The following MYO3B variants were observed in gnomAD, a reference collection of about 807,000 sequenced individuals.
The protein encoded by MYO3B is myosin-IIIb.
MYO3B carries 156 observed loss-of-function variants against 174.6 expected under a neutral mutation model. The observed-to-expected ratio is 0.89, with a 90% confidence interval of 0.78 to 1.02. The LOEUF is 1.02. MYO3B is among the 50% of genes least tolerant of loss of function. The pLI is 0.00. For synonymous variants in MYO3B, 563 were observed against 569.1 expected, an observed-to-expected ratio of 0.99 and a Z score of 0.15; for missense variants, 1,632 against 1,639.4, an observed-to-expected ratio of 1.00 and a Z score of 0.08.
rs1186016465 is a variant in MYO3B, at chr2:170,543,983, A to AGCT, written c.3730_3731insTGC (p.Lys1243_Pro1244insLeu). Reference sequence around the variant, plus strand: ...TTGAGTCTCTGGGGAGCCCCTCAAAAGCCTGGTAAGAAGAACGTTTTGAAT... The same window carrying AGCT: ...TTGAGTCTCTGGGGAGCCCCTCAAAAGCTGCCTGGTAAGAAGAACGTTTTGAAT... On this transcript the variant is annotated inframe_insertion, in exon 32 of 35. Coordinates refer to ENST00000408978, the MANE Select transcript of MYO3B (RefSeq NM_138995.5). 9 of 1,611,580 alleles carry AGCT rather than the reference A, an allele frequency of 5.6e-6. No homozygotes were observed. Among genetic ancestry groups the AGCT allele is most frequent in the African/African-American group, 1.3e-5 (1 of 74,874 alleles).
chr2:170,252,300 A>G (rs2093261991), intron 7 of MYO3B, among the ~76,000 whole-genome samples: 1 of 152,248 alleles, frequency 6.6e-6, no homozygotes, highest in Non-Finnish European at 1.5e-5. Context: ...TGGTAATAAT[A>G]TGCTCTCCAA....
chr2:170,220,402 A>G (rs2092882753), intron 6 of MYO3B, among the ~76,000 whole-genome samples: 1 of 151,692 alleles, frequency 6.6e-6, no homozygotes, highest in South Asian at 2.1e-4. Flanking sequence ...AGGCGGAGGC[A>G]GGCGAATCAC....
chr2:170,400,388 A>G, intron 17 of MYO3B, 74 bp downstream of exon 17: 2 of 1,418,964 alleles, frequency 1.4e-6, no homozygotes, highest in Admixed American at 2.2e-5. Context: ...AATATAATGC[A>G]GCATTTGCTG....
rs894250564 is a variant in MYO3B at position 170,652,993 on chromosome 2, G to C, written c.3898G>C (p.Val1300Leu). The change falls in exon 35 of 35, where the codon GTA (valine) becomes CTA (leucine). Residue 1300 changes from valine to leucine, a missense_variant. Val to Leu is a conservative substitution (Grantham distance 32, BLOSUM62 1). Coordinates refer to ENST00000408978, the MANE Select transcript of MYO3B (RefSeq NM_138995.5). ...RKPRKLGQIK[V>L]LDGEDEYYKS... ...TTTTCTTTGTTGCAGCCAAATCAAA[G>C]TACTTGATGGGGAAGATGAATATTA... The C allele has an allele frequency of 1.2e-6, 2 of 1,613,830 alleles. No individual in the cohort carries two copies. Among genetic ancestry groups the C allele is most frequent in the African/African-American group, 2.7e-5 (2 of 74,898 alleles).
intron 25 of MYO3B, among the ~76,000 whole-genome samples, chr2:170,492,036 G>A (rs62170723): frequency 0.084 from 12,510 of 148,316 alleles, 596 homozygotes; most frequent in Middle Eastern, 0.12. Context: ...CTGGGTGACA[G>A]AGATGAGACT....
At chr2:170,348,102 G>A (rs1045131878) in intron 8 of MYO3B, 6 of 152,118 alleles carry the variant, frequency 3.9e-5, no homozygotes, top group African/African-American at 1.2e-4. Flanking sequence ...AGACCAGCCT[G>A]GGCAACATAG....
At chr2:170,476,113 G>C (rs960135581) in intron 25 of MYO3B, among the ~76,000 whole-genome samples, 3 of 152,128 alleles carry the variant, frequency 2.0e-5, no homozygotes, top group Non-Finnish European at 4.4e-5. Context: ...TGGCTCGTCT[G>C]TTTGGTCACC....
intron 6 of MYO3B, among the ~76,000 whole-genome samples, chr2:170,223,077 G>A (rs538630276): frequency 1.3e-5 from 2 of 152,046 alleles, no homozygotes; most frequent in Middle Eastern, 3.4e-3. Flanking sequence ...CTGTGTGGGC[G>A]CCCAACACCC....
rs145245770 is a variant in MYO3B at position 170,290,413 on chromosome 2, C to G, written c.750-44972C>G. Among the ~76,000 whole-genome samples the G allele has an allele frequency of 9.9e-5, 15 of 152,216 alleles. No individual in the cohort carries two copies. In the East Asian group the frequency reaches 2.9e-3, roughly 29 times the overall value. On this transcript the variant is annotated intron_variant, in intron 7 of 34. Transcript: ENST00000408978. ...GTTATATTCTCTTGCTGAATTGACCCTTTTATCATTATATAGTTACCTTCT... is the reference window on the plus strand; with the variant it reads ...GTTATATTCTCTTGCTGAATTGACCGTTTTATCATTATATAGTTACCTTCT...
rs770168356 is a variant in MYO3B at position 170,214,786 on chromosome 2, A to G, written c.484A>G (p.Ile162Val). 2 of 1,614,146 alleles carry G rather than the reference A, an allele frequency of 1.2e-6. No homozygotes were observed. Among genetic ancestry groups the G allele is most frequent in the Admixed American group, 3.3e-5 (2 of 60,024 alleles). ...IIHRDVKGNN[I>V]LLTTEGGVKL... is the part of the protein sequence containing the mutation. ...CCACCGTGATGTGAAGGGGAATAACATTCTTCTGACAACAGAAGGAGGAGT... is the reference window on the plus strand; with the variant it reads ...CCACCGTGATGTGAAGGGGAATAACGTTCTTCTGACAACAGAAGGAGGAGT... The change falls in exon 5 of 35, where the codon ATT becomes GTT. Residue 162 changes from isoleucine to valine, a missense_variant. By Grantham distance (29) the Ile-to-Val change is conservative. Transcript: ENST00000408978.
intron 8 of MYO3B, among the ~76,000 whole-genome samples, chr2:170,361,092 G>A (rs1055511066): frequency 2.0e-5 from 3 of 152,166 alleles, no homozygotes; most frequent in Admixed American, 6.5e-5. Context: ...AACTAGTACA[G>A]TGTCTGGCCC....
rs532331289 is a variant in MYO3B at position 170,371,988 on chromosome 2, A to G, written c.971+2611A>G. ...AAAATAAAAGAAAAATTAGCCGTGC[A>G]TGGTGGCACATGCCTGTAGTCCCCG... is the stretch of plus-strand genomic sequence containing the variant. On this transcript the variant is annotated intron_variant, in intron 9 of 34. Transcript: ENST00000408978. 1.9e-4 allele frequency among the ~76,000 whole-genome samples: 29 copies of G among 151,524 alleles called. 1 individual carries two copies. The South Asian group carries it at 5.2e-3, about 27-fold the overall frequency.
chr2:170,363,497 G>A (rs377346625), intron 8 of MYO3B, among the ~76,000 whole-genome samples: 1 of 152,136 alleles, frequency 6.6e-6, no homozygotes, highest in African/African-American at 2.4e-5. Context: ...AGCAGAGAGT[G>A]CACAGACACC....
chr2:170,269,889 A>T (rs1025258312), intron 7 of MYO3B, among the ~76,000 whole-genome samples: 4 of 152,202 alleles, frequency 2.6e-5, no homozygotes, highest in Non-Finnish European at 5.9e-5. Flanking sequence ...AGAGTTTCTG[A>T]TTCAGTAGGT....
At position 170,416,866 on chromosome 2, in the gene MYO3B, C is replaced by T. The variant is rs865922495; in HGVS notation, c.2650+9022C>T. Among the ~76,000 whole-genome samples, 14 of 140,902 alleles carry T rather than the reference C, an allele frequency of 9.9e-5. No homozygotes were observed. The East Asian group carries it at 1.8e-3, about 18-fold the overall frequency. The allele number at this position is 140,902 out of a possible 152,430, so 92.4% of individuals were successfully genotyped here. A position where few individuals can be genotyped will look rare whatever the true frequency, so the allele number is the denominator to read the frequency against. On this transcript the variant is annotated intron_variant, in intron 22 of 34. Coordinates refer to ENST00000408978, the MANE Select transcript of MYO3B (RefSeq NM_138995.5). ...TGAGACGGAGTCTCGCTCTGTTGCC[C>T]GGGCTGGAGAGTGCAGTGCCGCGAT...
intron 7 of MYO3B, among the ~76,000 whole-genome samples, chr2:170,241,342 A>G (rs996456579): frequency 6.6e-6 from 1 of 152,206 alleles, no homozygotes; most frequent in Non-Finnish European, 1.5e-5. Flanking sequence ...CTAAGGACTT[A>G]GGCTTCCTCT....
At chr2:170,595,352 C>T (rs548597914) in intron 32 of MYO3B, among the ~76,000 whole-genome samples, 15 of 152,106 alleles carry the variant, frequency 9.9e-5, no homozygotes, top group East Asian at 1.9e-4. Flanking sequence ...GACTGAATTA[C>T]GAGGTAGAAG....
intron 27 of MYO3B, among the ~76,000 whole-genome samples, chr2:170,500,640 A>G (rs942365559): frequency 6.6e-6 from 1 of 152,176 alleles, no homozygotes; most frequent in African/African-American, 2.4e-5. Context: ...TCTTTACAAC[A>G]TGAGTGACAG....
At chr2:170,220,017 G>C (rs954167205) in intron 6 of MYO3B, among the ~76,000 whole-genome samples, 1 of 152,194 alleles carries the variant, frequency 6.6e-6, no homozygotes, top group Non-Finnish European at 1.5e-5. Context: ...CCAGCACTTT[G>C]GGAGGCCAAG....
Sources: gnomAD v4.1 joint callset for allele counts (sites outside exome capture counted in the v4.1 genomes callset) on GRCh38, gnomAD v4.1.1 for gene constraint, MANE v1.5 for transcripts, NCBI Gene and HGNC (gene_info 2026-07-23, HGNC 2026-07-21) for gene names.